C10orf67: variants seen among roughly 807,000 people sequenced by gnomAD.
C10orf67 encodes uncharacterized protein C10orf67, mitochondrial.
Under a neutral mutation model 35.6 loss-of-function variants are expected in C10orf67, and 60 were observed. The ratio of observed to expected loss-of-function variants is 1.68; its 90% CI spans 1.37 to 2.09. C10orf67 has a LOEUF of 2.09. Among genes scored for constraint, C10orf67 ranks in the 30% most tolerant of loss-of-function variants. C10orf67 has a pLI of 0.00. For synonymous variants in C10orf67, 167 were observed against 115.8 expected (o/e 1.44, Z -2.84); for missense variants, 474 against 330.2 (o/e 1.44, Z -3.38).
chr10:23,235,562 T>G (rs1396453426), intron 13 of C10orf67, among the ~76,000 whole-genome samples: 1 of 152,108 alleles, frequency 6.6e-6, no homozygotes, highest in African/African-American at 2.4e-5. Flanking sequence ...GTTTGCAAGA[T>G]GGAAAAGAGT....
intron 4 of C10orf67, among the ~76,000 whole-genome samples, chr10:23,319,132 GT>G (rs999849010): frequency 2.0e-5 from 3 of 152,066 alleles, no homozygotes; most frequent in African/African-American, 7.2e-5. Context: ...TCAATAGGTA[GT>G]TTTTTGATCT....
rs1841064429 is a variant in C10orf67, at chr10:23,203,077, T to C, written c.*1096A>G. On this transcript the variant is annotated 3_prime_UTR_variant, in exon 16 of 16. Transcript: ENST00000636213. ...GAAAAATTCCTTTCTTTAGCCAAAC[T>C]GATGGGAGGAAATTTGAAAGAAGCG... 1 of 152,208 alleles carries C rather than the reference T, an allele frequency of 6.6e-6. No individual in the cohort carries two copies. Among genetic ancestry groups the C allele is most frequent in the South Asian group, 2.1e-4 (1 of 4,830 alleles). The allele number at this position is 152,208 out of a possible 1,614,324, so 9.4% of individuals were successfully genotyped here.
chr10:23,223,005 G>T (rs185366161), intron 15 of C10orf67, among the ~76,000 whole-genome samples: 1 of 152,188 alleles, frequency 6.6e-6, no homozygotes, highest in East Asian at 1.9e-4. Flanking sequence ...GGAGCTTCAG[G>T]TTTGTTGGCA....
chr10:23,232,310 G>T (rs1841934272), intron 13 of C10orf67, among the ~76,000 whole-genome samples: 1 of 152,192 alleles, frequency 6.6e-6, no homozygotes, highest in South Asian at 2.1e-4. Flanking sequence ...AAGAGATTAA[G>T]AATGGGGAAC....
chr10:23,277,214 C>T (rs1025583508), intron 8 of C10orf67, among the ~76,000 whole-genome samples: 16 of 152,042 alleles, frequency 1.1e-4, no homozygotes, highest in South Asian at 4.1e-4. Context: ...GAAGCATCTA[C>T]GAGAATTTAA....
At chr10:23,211,234 T>C (rs1269289653) in intron 15 of C10orf67, among the ~76,000 whole-genome samples, 1 of 152,146 alleles carries the variant, frequency 6.6e-6, no homozygotes, top group Non-Finnish European at 1.5e-5. Flanking sequence ...TGGCATTCCT[T>C]GGCTTGTGGT....
intron 15 of C10orf67, among the ~76,000 whole-genome samples, chr10:23,211,478 TGGGGGGGG>T (rs200194805): frequency 2.0e-5 from 3 of 147,454 alleles, no homozygotes; most frequent in Middle Eastern, 3.2e-3. Context: ...TGTGTGTGTG[TGGGGGGGG>T]GGGGTATCAC....
intron 12 of C10orf67, among the ~76,000 whole-genome samples, chr10:23,245,435 A>G (rs1277136165): frequency 1.3e-5 from 2 of 152,212 alleles, no homozygotes; most frequent in Admixed American, 1.3e-4. Context: ...TAAGGAATGG[A>G]AGAAAACATT....
At chr10:23,272,173 T>A (rs917370615) in intron 8 of C10orf67, among the ~76,000 whole-genome samples, 7 of 152,256 alleles carry the variant, frequency 4.6e-5, no homozygotes, top group African/African-American at 1.7e-4. Flanking sequence ...AGCCTTGGCC[T>A]CCCAAAGTGT....
In C10orf67 at chr10:23,274,017, G is replaced by A. The variant is rs536103652; in HGVS notation, c.976-6763C>T. Among the ~76,000 whole-genome samples the A allele has an allele frequency of 7.6e-4, 115 of 152,216 alleles. 3 individuals carry two copies. In the South Asian group the frequency reaches 0.022, roughly 29 times the overall value. On this transcript the variant is annotated intron_variant, in intron 8 of 15. Coordinates refer to ENST00000636213, the MANE Select transcript of C10orf67 (RefSeq NM_001371909.1). The stretch of plus-strand genomic sequence containing the variant: ...AGAGAAATTTTATAGCTGGGCCTCC[G>A]GAGGTATCATCACATATTGGTAGGA...
At chr10:23,273,790 C>T (rs1461488724) in intron 8 of C10orf67, among the ~76,000 whole-genome samples, 1 of 152,316 alleles carries the variant, frequency 6.6e-6, no homozygotes, top group Middle Eastern at 3.4e-3. Flanking sequence ...AGGACCAAGT[C>T]CTGCTCCACT....
intron 4 of C10orf67, among the ~76,000 whole-genome samples, chr10:23,319,147 C>T (rs1844849611): frequency 6.6e-6 from 1 of 152,042 alleles, no homozygotes; most frequent in Non-Finnish European, 1.5e-5. Flanking sequence ...TTGATCTTCA[C>T]CCTCCTCCCA....
chr10:23,250,069 A>G (rs1010428622), intron 12 of C10orf67, among the ~76,000 whole-genome samples: 5 of 152,220 alleles, frequency 3.3e-5, no homozygotes, highest in African/African-American at 1.2e-4. Context: ...TGTGTCTGGT[A>G]GAGGATCTGA....
At chr10:23,238,696 C>A (rs899550825) in intron 13 of C10orf67, among the ~76,000 whole-genome samples, 2 of 152,006 alleles carry the variant, frequency 1.3e-5, no homozygotes, top group Admixed American at 6.6e-5. Flanking sequence ...GTTTTATTTG[C>A]CGAACTGATT....
chr10:23,261,707 G>A (rs986800640), intron 10 of C10orf67, among the ~76,000 whole-genome samples: 2 of 152,144 alleles, frequency 1.3e-5, no homozygotes, highest in Non-Finnish European at 2.9e-5. Context: ...TCTGGATTTG[G>A]TGAGCAATAT....
At chr10:23,241,525 C>A (rs1035361307) in intron 12 of C10orf67, among the ~76,000 whole-genome samples, 4 of 152,052 alleles carry the variant, frequency 2.6e-5, no homozygotes, top group African/African-American at 9.7e-5. Flanking sequence ...ACATTGCCCC[C>A]CATGAAGATA....
intron 7 of C10orf67, among the ~76,000 whole-genome samples, chr10:23,286,651 A>AGAAAGGAGGGAG (rs977634120): frequency 6.9e-6 from 1 of 144,624 alleles, no homozygotes; most frequent in South Asian, 2.3e-4. Context: ...GAAAGGAGGG[A>AGAAAGGAGGGAG]GAAAGGAGGG....
intron 2 of C10orf67, among the ~76,000 whole-genome samples, chr10:23,329,120 A>G (rs949493390): frequency 6.6e-6 from 1 of 151,954 alleles, no homozygotes; most frequent in Non-Finnish European, 1.5e-5. Flanking sequence ...AAGATACAAT[A>G]TAGAGGATTA....
intron 4 of C10orf67, chr10:23,318,150 G>GA (rs11304577): frequency 7.7e-6 from 1 of 129,414 alleles, no homozygotes; most frequent in Non-Finnish European, 1.6e-5. Flanking sequence ...GCAAAACAAA[G>GA]AAAAAAAAAA....
Sources: allele counts gnomAD v4.1 joint callset (sites outside exome capture counted in the v4.1 genomes callset), GRCh38; gene constraint gnomAD v4.1.1; transcripts MANE v1.5; gene names NCBI Gene and HGNC (gene_info 2026-07-23, HGNC 2026-07-21).